Variants in GYPC observed in about 807,000 individuals in gnomAD.
The protein encoded by GYPC is glycophorin-C.
In GYPC, 14 loss-of-function variants were observed where a neutral mutation model predicts 12.6. The observed-to-expected ratio is 1.11, with a 90% CI of 0.74 to 1.74. The LOEUF is 1.74. Among genes scored for constraint, GYPC ranks in the 40% most tolerant of loss-of-function variants. The pLI is 0.00. For missense variants in GYPC, 225 were observed against 172.1 expected (o/e 1.31, Z -1.72); for synonymous variants, 78 against 62.1 (o/e 1.26, Z -1.20).
At position 126,663,117 on chromosome 2, in the gene GYPC, A is replaced by C. The variant is rs186805012; in HGVS notation, c.49+6805A>C. Among the ~76,000 whole-genome samples the C allele has an allele frequency of 7.2e-5, 11 of 152,324 alleles. No homozygotes were observed. In the East Asian group the frequency reaches 1.9e-3, roughly 27 times the overall value. On this transcript the variant is annotated intron_variant, in intron 1 of 3. Coordinates refer to ENST00000259254, the MANE Select transcript of GYPC (RefSeq NM_002101.5). Reference sequence around the variant, plus strand: ...CAGTGACATGATCTTGGCTCACTGCAACCTCCGACTCCCTGGTTCAAGCAA... The same window carrying C: ...CAGTGACATGATCTTGGCTCACTGCCACCTCCGACTCCCTGGTTCAAGCAA...
chr2:126,661,534 C>A (rs1682537572), intron 1 of GYPC, among the ~76,000 whole-genome samples: 1 of 151,652 alleles, frequency 6.6e-6, no homozygotes, highest in South Asian at 2.1e-4. Flanking sequence ...CTCACTGCAA[C>A]CTGCGTCTCC....
At chr2:126,677,530 TGA>T (rs764660150) in intron 1 of GYPC, among the ~76,000 whole-genome samples, 37 of 150,372 alleles carry the variant, frequency 2.5e-4, no homozygotes, top group South Asian at 8.4e-4. Flanking sequence ...TGTGTGTGTG[TGA>T]GTCTGTGTGT....
chr2:126,664,153 A>G (rs1172996087), intron 1 of GYPC, among the ~76,000 whole-genome samples: 2 of 152,092 alleles, frequency 1.3e-5, no homozygotes, highest in Non-Finnish European at 2.9e-5. Context: ...AGCGAAATTA[A>G]TTTCAGTTAT....
intron 1 of GYPC, among the ~76,000 whole-genome samples, chr2:126,681,793 AAGAAAG>A (rs1490309647): frequency 1.8e-5 from 2 of 109,452 alleles, no homozygotes; most frequent in Admixed American, 2.3e-4. Context: ...AAAAAAAAAA[AAGAAAG>A]AAAGAAAGAA....
At position 126,695,931 on chromosome 2, in the gene GYPC, T is replaced by G; in HGVS notation, c.191-15T>G. On this transcript the variant is annotated splice_polypyrimidine_tract_variant and intron_variant, in intron 3 of 3. Transcript: ENST00000259254. ...CCTGCCTCAGACTGACCCTTGCACCTCTTCCCACCTGCAGGTGTGATTGCT... is the reference window on the plus strand; with the variant it reads ...CCTGCCTCAGACTGACCCTTGCACCGCTTCCCACCTGCAGGTGTGATTGCT... The G allele has an allele frequency of 1.2e-6, 2 of 1,612,002 alleles. No individual in the cohort carries two copies.
At chr2:126,656,777 C>T (rs531836721) in intron 1 of GYPC, among the ~76,000 whole-genome samples, 57 of 152,360 alleles carry the variant, frequency 3.7e-4, no homozygotes, top group Non-Finnish European at 6.6e-4. Context: ...TTGCTCGCTC[C>T]GCTGGGCGCC....
At chr2:126,674,697 G>C (rs974938527) in intron 1 of GYPC, among the ~76,000 whole-genome samples, 18 of 152,122 alleles carry the variant, frequency 1.2e-4, no homozygotes, top group African/African-American at 3.9e-4. Flanking sequence ...GGTGTGGTCG[G>C]GTTGGAAGCC....
chr2:126,689,718 C>T (rs1374031093), intron 1 of GYPC, among the ~76,000 whole-genome samples: 1 of 152,134 alleles, frequency 6.6e-6, no homozygotes, highest in Non-Finnish European at 1.5e-5. Flanking sequence ...CTGCTTTTTG[C>T]CATGAGTGGG....
intron 1 of GYPC, chr2:126,685,976 C>G (rs942125552): frequency 4.1e-6 from 4 of 985,312 alleles, no homozygotes; most frequent in Non-Finnish European, 4.8e-6. Flanking sequence ...CACCCTGTGC[C>G]TGAATTCTTC....
At chr2:126,694,168 T>C (rs561993434) in intron 3 of GYPC, among the ~76,000 whole-genome samples, 5 of 152,286 alleles carry the variant, frequency 3.3e-5, no homozygotes, top group African/African-American at 9.6e-5. Flanking sequence ...TATTGGCCTT[T>C]CTCAGGGCTT....
At chr2:126,662,022 G>A (rs930174332) in intron 1 of GYPC, among the ~76,000 whole-genome samples, 3 of 152,210 alleles carry the variant, frequency 2.0e-5, no homozygotes, top group East Asian at 3.9e-4. Context: ...CACACCCGCT[G>A]CTCCCACACG....
intron 1 of GYPC, among the ~76,000 whole-genome samples, chr2:126,660,910 C>T (rs972714267): frequency 7.9e-5 from 12 of 152,144 alleles, no homozygotes; most frequent in Non-Finnish European, 1.6e-4. Flanking sequence ...ATTTTCATAT[C>T]CACTCCCTTC....
rs184014370 is a variant in GYPC at position 126,674,722 on chromosome 2, C to T, written c.50-15533C>T. ...GGTTGGAAGCCAGATCTGCTGGTGC[C>T]GAAAGCCCAAGCACCTTGCTCCTTC... On this transcript the variant is annotated intron_variant, in intron 1 of 3. Coordinates refer to ENST00000259254, the MANE Select transcript of GYPC (RefSeq NM_002101.5). Among the ~76,000 whole-genome samples the T allele has an allele frequency of 5.3e-5, 8 of 152,250 alleles. No individual in the cohort carries two copies. The East Asian group carries it at 5.8e-4, about 11-fold the overall frequency.
chr2:126,669,023 T>A (rs1043209631), intron 1 of GYPC, among the ~76,000 whole-genome samples: 17 of 152,240 alleles, frequency 1.1e-4, no homozygotes, highest in African/African-American at 3.6e-4. Flanking sequence ...TCAAGGAGTA[T>A]AATTCCCCCA....
chr2:126,661,469 T>G (rs1682535366), intron 1 of GYPC, among the ~76,000 whole-genome samples: 1 of 150,120 alleles, frequency 6.7e-6, no homozygotes. Context: ...TTTTTTTTTT[T>G]GATACGGAGT....
Position 126,696,145 on chromosome 2 carries a change from G to C in GYPC, c.*3G>C. The C allele has an allele frequency of 6.2e-7, 1 of 1,609,724 alleles. No homozygotes were observed. The highest frequency in any genetic ancestry group is 2.2e-5 in the East Asian group (1 of 44,836). ...GCAGAAAGGAGTACTTTATTTGAGG[G>C]ACAACAGACTTCACTTCCCTGAATG... is the stretch of plus-strand genomic sequence containing the variant. On this transcript the variant is annotated 3_prime_UTR_variant, in exon 4 of 4. Coordinates refer to ENST00000259254, the MANE Select transcript of GYPC (RefSeq NM_002101.5).
rs1023703333 is a variant in GYPC at position 126,693,763 on chromosome 2, G to C, written c.107-101G>C. ...TCCTTTCCACTTGGACCCATTCTCA[G>C]AGCTGCTCACACCTGAGCAAAGGAT... On this transcript the variant is annotated intron_variant, in intron 2 of 3. Coordinates refer to ENST00000259254, the MANE Select transcript of GYPC (RefSeq NM_002101.5). The C allele has an allele frequency of 3.6e-6, 3 of 823,662 alleles. No individual in the cohort carries two copies. In the Admixed American group the frequency reaches 5.2e-5, roughly 14 times the overall value. 51.0% of individuals were successfully genotyped at this position (823,662 alleles called of 1,614,324 possible).
At chr2:126,689,297 T>C (rs562564235) in intron 1 of GYPC, among the ~76,000 whole-genome samples, 7 of 152,164 alleles carry the variant, frequency 4.6e-5, no homozygotes, top group African/African-American at 1.7e-4. Context: ...TGTGTGATCA[T>C]GGGCACATCA....
intron 1 of GYPC, among the ~76,000 whole-genome samples, chr2:126,667,494 C>T (rs1452565190): frequency 6.6e-6 from 1 of 151,552 alleles, no homozygotes; most frequent in Non-Finnish European, 1.5e-5. Flanking sequence ...ACCTCTTCCT[C>T]CCAGGTTCAA....
Sources: allele counts gnomAD v4.1 joint callset (sites outside exome capture counted in the v4.1 genomes callset), GRCh38; gene constraint gnomAD v4.1.1; transcripts MANE v1.5; gene names NCBI Gene and HGNC (gene_info 2026-07-23, HGNC 2026-07-21).